Variants in FOXP2 observed in about 807,000 individuals in gnomAD.
FOXP2 encodes forkhead box P2.
FOXP2 carries 12 observed loss-of-function variants against 115.8 expected under a neutral mutation model. The observed-to-expected ratio is 0.10, with a 90% CI of 0.07 to 0.17. The LOEUF (loss-of-function observed/expected upper bound fraction) is 0.17, where lower values mean the gene tolerates loss of function less well. FOXP2 is among the 10% of genes least tolerant of loss of function. The probability of loss-of-function intolerance (pLI) is 1.00; values close to 1 mark genes in which losing one functional copy is unlikely to be tolerated. For synonymous variants in FOXP2, 328 were observed against 297.7 expected, an observed-to-expected ratio of 1.10 and a Z score of -1.05; for missense variants, 629 against 843.5, an observed-to-expected ratio of 0.75 and a Z score of 3.15.
intron 2 of FOXP2, among the ~76,000 whole-genome samples, chr7:114,339,781 T>C (rs1353338119): frequency 6.6e-6 from 1 of 151,224 alleles, no homozygotes; most frequent in African/African-American, 2.4e-5. Flanking sequence ...TCCCCTTTTT[T>C]TGGAATCTGT....
At chr7:114,229,725 T>G (rs1794827231) in intron 1 of FOXP2, among the ~76,000 whole-genome samples, 1 of 151,294 alleles carries the variant, frequency 6.6e-6, no homozygotes, top group African/African-American at 2.4e-5. Context: ...ATGCCAAGAC[T>G]TATGGAATGT....
At chr7:114,101,096 C>G (rs1332324529) in intron 1 of FOXP2, among the ~76,000 whole-genome samples, 4 of 152,058 alleles carry the variant, frequency 2.6e-5, no homozygotes, top group Admixed American at 6.6e-5. Context: ...TGCTCTTGTC[C>G]CCCAAGTCCC....
At chr7:114,371,276 A>C (rs190655011) in intron 2 of FOXP2, among the ~76,000 whole-genome samples, 6 of 145,532 alleles carry the variant, frequency 4.1e-5, no homozygotes, top group Non-Finnish European at 9.0e-5. Context: ...AGTAGCAATA[A>C]GGTTTTGCCA....
At chr7:114,098,032 T>A (rs1430848048) in intron 1 of FOXP2, among the ~76,000 whole-genome samples, 2 of 152,224 alleles carry the variant, frequency 1.3e-5, no homozygotes, top group African/African-American at 4.8e-5. Flanking sequence ...GCAGTCTTTG[T>A]CAAATTGCCT....
intron 2 of FOXP2, among the ~76,000 whole-genome samples, chr7:114,515,249 G>T (rs1263406118): frequency 6.7e-6 from 1 of 150,058 alleles, no homozygotes; most frequent in African/African-American, 2.5e-5. Flanking sequence ...GGGATGGCTG[G>T]GTCAAATGGT....
In FOXP2 at chr7:114,122,622, G is replaced by A. The variant is rs549463489; in HGVS notation, c.-247+34784G>A. Among the ~76,000 whole-genome samples, 21 of 151,898 alleles carry A rather than the reference G, an allele frequency of 1.4e-4. No individual in the cohort carries two copies. In the South Asian group the frequency reaches 3.3e-3, roughly 24 times the overall value. ...GGGGTTTTCAGCAGCTATTCTCTGT[G>A]GGCTGTCAGGTATTGCACATGAAAG... On this transcript the variant is annotated intron_variant, in intron 1 of 19. Coordinates refer to the FOXP2 transcript ENST00000635638.
In FOXP2 at chr7:114,645,129, A is replaced by AATAT. The variant is rs60674425; in HGVS notation, c.1094+387_1094+390dup. On this transcript the variant is annotated intron_variant, in intron 8 of 16. Transcript: ENST00000350908. ...TAATTAATATTATGTGAGTCATCCT[A>AATAT]ATATATATATATATATATATATATA... 291 of 32,634 alleles carry AATAT rather than the reference A, an allele frequency of 8.9e-3. 7 individuals are homozygous for AATAT. The highest frequency in any genetic ancestry group is 0.012 in the Non-Finnish European group (186 of 15,960). The allele number at this position is 32,634 out of a possible 1,614,324, so 2.0% of individuals were successfully genotyped here. A position where few individuals can be genotyped will look rare whatever the true frequency, so the allele number is the denominator to read the frequency against.
chr7:114,306,340 C>CCTGTG (rs1248831201), intron 2 of FOXP2, among the ~76,000 whole-genome samples: 4 of 152,076 alleles, frequency 2.6e-5, no homozygotes, highest in African/African-American at 9.7e-5. Flanking sequence ...CCAAATGGAT[C>CCTGTG]CTGTGCACAC....
intron 1 of FOXP2, among the ~76,000 whole-genome samples, chr7:114,215,093 A>G (rs542737705): frequency 6.6e-6 from 1 of 152,298 alleles, no homozygotes; most frequent in African/African-American, 2.4e-5. Context: ...GAGGCACCTT[A>G]TAAGGACTAA....
At chr7:114,318,460 C>T (rs1385251386) in intron 2 of FOXP2, among the ~76,000 whole-genome samples, 1 of 144,296 alleles carries the variant, frequency 6.9e-6, no homozygotes, top group Non-Finnish European at 1.5e-5. Flanking sequence ...TATTATCTGA[C>T]CTTCTTTATT....
chr7:114,467,968 G>A lies in FOXP2; in HGVS notation c.168+41289G>A, dbSNP rs60540177. On this transcript the variant is annotated intron_variant, in intron 2 of 16. Coordinates refer to ENST00000350908, the MANE Select transcript of FOXP2 (RefSeq NM_014491.4). ...TTTGCCCATTCATTAAATGCTACTC[G>A]TCCCCAAAGGCATTGTCCTCAGTCT... is the stretch of plus-strand genomic sequence containing the variant. Among the ~76,000 whole-genome samples the A allele has an allele frequency of 1.6e-3, 247 of 151,892 alleles. 4 individuals are homozygous for A. The East Asian group carries it at 0.043, about 27-fold the overall frequency.
upstream of FOXP2, among the ~76,000 whole-genome samples, chr7:114,413,786 G>A (rs184708029): frequency 1.1e-3 from 162 of 152,238 alleles, 1 homozygote; most frequent in African/African-American, 3.2e-3. Flanking sequence ...AGTGGCAGAT[G>A]TTACTCATCT....
At chr7:114,653,415 T>TAACAAA in intron 9 of FOXP2, 1 of 175,078 alleles carries the variant, frequency 5.7e-6, no homozygotes, top group Non-Finnish European at 1.3e-5. Flanking sequence ...AGTTCAGCGT[T>TAACAAA]TCACACTGCC....
intron 1 of FOXP2, among the ~76,000 whole-genome samples, chr7:114,201,935 G>A (rs1464809029): frequency 2.0e-5 from 3 of 152,104 alleles, no homozygotes; most frequent in African/African-American, 7.2e-5. Context: ...AGGGAACTTG[G>A]TCACAATCAA....
chr7:114,407,545 T>C (rs1422559309), intron 2 of FOXP2, among the ~76,000 whole-genome samples: 2 of 152,148 alleles, frequency 1.3e-5, no homozygotes, highest in African/African-American at 4.8e-5. Flanking sequence ...AAATGCTTTA[T>C]GTAGTGAGAG....
At chr7:114,469,089 C>G (rs534331442) in intron 2 of FOXP2, among the ~76,000 whole-genome samples, 1 of 152,256 alleles carries the variant, frequency 6.6e-6, no homozygotes, top group Non-Finnish European at 1.5e-5. Flanking sequence ...TCCTGTTCAA[C>G]TCTTCCTCTT....
At chr7:114,334,957 A>ATATG (rs1554371383) in intron 2 of FOXP2, among the ~76,000 whole-genome samples, 3 of 144,744 alleles carry the variant, frequency 2.1e-5, no homozygotes, top group African/African-American at 7.5e-5. Flanking sequence ...ATATATATAT[A>ATATG]TAGAAATCCA....
chr7:114,358,400 TA>T (rs1791665380), intron 2 of FOXP2, among the ~76,000 whole-genome samples: 1 of 152,128 alleles, frequency 6.6e-6, no homozygotes, highest in Non-Finnish European at 1.5e-5. Flanking sequence ...GGCGCTGCTA[TA>T]AGGATACTCA....
upstream of FOXP2, among the ~76,000 whole-genome samples, chr7:114,161,514 G>T (rs1234151583): frequency 2.1e-5 from 3 of 140,226 alleles, no homozygotes; most frequent in Non-Finnish European, 4.6e-5. Flanking sequence ...TTTTGGCTTT[G>T]TTTTAACTAT....
Sources: gnomAD v4.1 joint callset for allele counts (sites outside exome capture counted in the v4.1 genomes callset) on GRCh38, gnomAD v4.1.1 for gene constraint, MANE v1.5 for transcripts, NCBI Gene and HGNC (gene_info 2026-07-23, HGNC 2026-07-21) for gene names.